ISLR2: variants seen among roughly 807,000 people sequenced by gnomAD.
ISLR2 encodes the protein immunoglobulin superfamily containing leucine-rich repeat protein 2.
ISLR2 carries 16 observed loss-of-function variants against 25.5 expected under a neutral mutation model. The observed-to-expected ratio is 0.63, with a 90% CI of 0.43 to 0.95. The LOEUF (loss-of-function observed/expected upper bound fraction) is 0.95. Ranked by LOEUF, ISLR2 falls within the 40% of genes least tolerant of loss-of-function variation. The pLI, the probability that ISLR2 is intolerant of heterozygous loss-of-function variation, is 0.00. For synonymous variants in ISLR2, 508 were observed against 486.6 expected, an observed-to-expected ratio of 1.04 and a Z score of -0.58; for missense variants, 883 against 1,030.7, an observed-to-expected ratio of 0.86 and a Z score of 1.96.
intron 2 of ISLR2, among the ~76,000 whole-genome samples, chr15:74,111,985 C>T (rs2072171798): frequency 6.6e-6 from 1 of 152,134 alleles, no homozygotes; most frequent in Non-Finnish European, 1.5e-5. Flanking sequence ...TACACTAATA[C>T]AAAATAGAAC....
intron 2 of ISLR2, among the ~76,000 whole-genome samples, chr15:74,111,325 C>A (rs1323495926): frequency 1.3e-5 from 2 of 151,964 alleles, no homozygotes; most frequent in Non-Finnish European, 2.9e-5. Flanking sequence ...CAAAGTCTCA[C>A]TCTGGCCCTA....
upstream of ISLR2, among the ~76,000 whole-genome samples, chr15:74,124,597 A>G (rs1038600694): frequency 2.0e-5 from 3 of 152,094 alleles, no homozygotes; most frequent in African/African-American, 7.2e-5. Context: ...TGTCTCTACT[A>G]AAAATACAAA....
Position 74,135,967 on chromosome 15 carries a change from G to A in ISLR2, c.*975G>A, listed in dbSNP as rs2072558600. 6.0e-6 allele frequency: 1 copy of A among 166,848 alleles called. No individual in the cohort carries two copies. The highest frequency in any genetic ancestry group is 2.4e-5 in the African/African-American group (1 of 41,350). 10.3% of individuals were successfully genotyped at this position (166,848 alleles called of 1,614,324 possible). A position where few individuals can be genotyped will look rare whatever the true frequency, so the allele number is the denominator to read the frequency against. On this transcript the variant is annotated 3_prime_UTR_variant, in exon 3 of 3. Coordinates refer to ENST00000453268, the MANE Select transcript of ISLR2 (RefSeq NM_020851.3). ...AGCCCGGTGCCTGGGGCGCCTTTCAGCTCCGCGCTCAGATTTTCCTGTTTT... is the reference window on the plus strand; with the variant it reads ...AGCCCGGTGCCTGGGGCGCCTTTCAACTCCGCGCTCAGATTTTCCTGTTTT...
upstream of ISLR2, among the ~76,000 whole-genome samples, chr15:74,124,107 T>C (rs1445572943): frequency 6.6e-6 from 1 of 151,406 alleles, no homozygotes; most frequent in African/African-American, 2.4e-5. Context: ...GACTGTGATC[T>C]CAGACTGTGG....
At chr15:74,127,325 TA>T (rs781484939), upstream of ISLR2, 4 of 152,186 alleles carry the variant, frequency 2.6e-5, no homozygotes, top group Non-Finnish European at 5.9e-5. Context: ...ACATTTATTT[TA>T]ATAGGCCCCT....
chr15:74,112,594 C>G (rs1480469030), intron 2 of ISLR2, among the ~76,000 whole-genome samples: 1 of 150,346 alleles, frequency 6.7e-6, no homozygotes, highest in Non-Finnish European at 1.5e-5. Flanking sequence ...ATGGTGCCAT[C>G]TCAGCTCGCT....
At chr15:74,129,411 C>A (rs1000762644), upstream of ISLR2, 1 of 195,230 alleles carries the variant, frequency 5.1e-6, no homozygotes, top group Non-Finnish European at 1.1e-5. The surrounding 1 kb of genome is among the most constrained non-coding windows in gnomAD (Gnocchi z 4.5). Context: ...AAGCCCCAAA[C>A]CCTCGCCATC....
At chr15:74,114,479 C>T (rs1199095950) in intron 2 of ISLR2, among the ~76,000 whole-genome samples, 4 of 151,862 alleles carry the variant, frequency 2.6e-5, no homozygotes, top group African/African-American at 7.3e-5. Flanking sequence ...AATTTTAGGC[C>T]GGGTGCAGTG....
chr15:74,118,618 A>G (rs2072229392), intron 2 of ISLR2, among the ~76,000 whole-genome samples: 1 of 151,288 alleles, frequency 6.6e-6, no homozygotes, highest in Non-Finnish European at 1.5e-5. Context: ...AAGAAAAATA[A>G]GCAAATGAAG....
intron 2 of ISLR2, among the ~76,000 whole-genome samples, chr15:74,121,647 TGAAGA>T (rs2072253386): frequency 6.6e-6 from 1 of 152,060 alleles, no homozygotes; most frequent in African/African-American, 2.4e-5. Flanking sequence ...AGGAAGTCAG[TGAAGA>T]GAAGTTACAG....
intron 2 of ISLR2, among the ~76,000 whole-genome samples, chr15:74,106,920 G>GA (rs2141926357): frequency 6.6e-6 from 1 of 152,206 alleles, no homozygotes; most frequent in African/African-American, 2.4e-5. Flanking sequence ...TTCTCTCTCC[G>GA]CCCCCTTCAG....
intron 2 of ISLR2, among the ~76,000 whole-genome samples, chr15:74,115,700 A>C (rs1374511693): frequency 1.3e-5 from 2 of 152,032 alleles, no homozygotes; most frequent in Non-Finnish European, 2.9e-5. Context: ...GTCTCAAATA[A>C]ATAAATAAAA....
intron 2 of ISLR2, among the ~76,000 whole-genome samples, chr15:74,113,207 G>T (rs555132728): frequency 6.6e-6 from 1 of 152,202 alleles, no homozygotes; most frequent in South Asian, 2.1e-4. Flanking sequence ...AGTAATGCTC[G>T]CTGTCCACCA....
chr15:74,106,806 T>G (rs2072124167), intron 2 of ISLR2, among the ~76,000 whole-genome samples: 1 of 152,124 alleles, frequency 6.6e-6, no homozygotes, highest in African/African-American at 2.4e-5. Context: ...AACACATGTC[T>G]GCTGCAGCTT....
chr15:74,135,117 C>A lies in ISLR2; in HGVS notation c.*125C>A, dbSNP rs2072541799. 5.1e-6 allele frequency: 6 copies of A among 1,187,762 alleles called. No individual in the cohort carries two copies. Among genetic ancestry groups the A allele is most frequent in the Non-Finnish European group, 7.1e-6 (6 of 846,226 alleles). The allele number at this position is 1,187,762 out of a possible 1,614,324, so 73.6% of individuals were successfully genotyped here. A position where few individuals can be genotyped will look rare whatever the true frequency, so the allele number is the denominator to read the frequency against. ...TCACCTACTCCTCCCCCTTACTACT[C>A]CCCAACCTTGACTACCAGGGACTTC... is the stretch of plus-strand genomic sequence containing the variant. On this transcript the variant is annotated 3_prime_UTR_variant, in exon 3 of 3. Coordinates refer to ENST00000453268, the MANE Select transcript of ISLR2 (RefSeq NM_020851.3).
chr15:74,115,308 A>G (rs943176918), intron 2 of ISLR2, among the ~76,000 whole-genome samples: 1 of 152,374 alleles, frequency 6.6e-6, no homozygotes, highest in African/African-American at 2.4e-5. Flanking sequence ...AAGTAACTTA[A>G]CTAGTGCTGG....
At chr15:74,108,244 C>G (rs1175719533) in intron 2 of ISLR2, among the ~76,000 whole-genome samples, 1 of 152,198 alleles carries the variant, frequency 6.6e-6, no homozygotes, top group Non-Finnish European at 1.5e-5. Flanking sequence ...GCCCAGCACA[C>G]CTCTCCCTCC....
At position 74,132,609 on chromosome 15, in the gene ISLR2, G is replaced by C; in HGVS notation, c.-8-138G>C. 8.2e-7 allele frequency: 1 copy of C among 1,213,778 alleles called. No homozygotes were observed. Among genetic ancestry groups the C allele is most frequent in the South Asian group, 1.6e-5 (1 of 61,546 alleles). 75.2% of individuals were successfully genotyped at this position (1,213,778 alleles called of 1,614,324 possible). ...TTTTTATTGACCTTCACTTCAGAGA[G>C]GCTCCTGGCCATAGAGGAGGTTACC... On this transcript the variant is annotated intron_variant, in intron 2 of 2. Transcript: ENST00000453268. This position sits in a 1 kb window ranked among gnomAD's most constrained non-coding sequence, Gnocchi z 4.3.
At chr15:74,139,215 A>T (rs2072597524), downstream of ISLR2, among the ~76,000 whole-genome samples, 1 of 152,120 alleles carries the variant, frequency 6.6e-6, no homozygotes, top group African/African-American at 2.4e-5. Context: ...AGGAATGAAT[A>T]CGTGTTGGAG....
Sources: allele counts gnomAD v4.1 joint callset (sites outside exome capture counted in the v4.1 genomes callset), GRCh38; gene constraint gnomAD v4.1.1; non-coding constraint Gnocchi (gnomAD v3.1); transcripts MANE v1.5; gene names NCBI Gene and HGNC (gene_info 2026-07-23, HGNC 2026-07-21).